Variants in GRAMD2B observed in about 807,000 individuals in gnomAD.
GRAMD2B encodes the protein GRAM domain containing 2B.
A neutral mutation model predicts 59.2 loss-of-function variants in GRAMD2B; 41 were observed. The observed-to-expected ratio is 0.69, with a 90% CI of 0.54 to 0.90. GRAMD2B has a LOEUF of 0.90. Among genes scored for constraint, GRAMD2B ranks in the 40% least tolerant of loss-of-function variants. The pLI is 0.00. For synonymous variants in GRAMD2B, 161 were observed against 182.7 expected (o/e 0.88, Z 0.96); for missense variants, 424 against 500.5 (o/e 0.85, Z 1.46).
Position 126,492,800 on chromosome 5 carries a change from T to C in GRAMD2B, c.1258-115T>C, listed in dbSNP as rs563598394. 4.6e-6 allele frequency: 3 copies of C among 645,910 alleles called. No homozygotes were observed. In the South Asian group the frequency reaches 7.3e-5, roughly 16 times the overall value. The allele number at this position is 645,910 out of a possible 1,614,324, so 40.0% of individuals were successfully genotyped here. ...TTGCCTCACCTAAATTTAACCCTTT[T>C]GTAGCTTTTTATTCAAAGTGGAATA... On this transcript the variant is annotated intron_variant, in intron 13 of 13. Transcript: ENST00000285689.
At chr5:126,395,051 T>C (rs1349421733) in intron 1 of GRAMD2B, among the ~76,000 whole-genome samples, 1 of 151,618 alleles carries the variant, frequency 6.6e-6, no homozygotes, top group Non-Finnish European at 1.5e-5. Flanking sequence ...TGTCAGCCTT[T>C]TGCTTTTGGT....
chr5:126,492,968 G>A lies in GRAMD2B; in HGVS notation c.*12G>A. The A allele has an allele frequency of 6.2e-7, 1 of 1,610,800 alleles. No homozygotes were observed. The highest frequency in any genetic ancestry group is 8.5e-7 in the Non-Finnish European group (1 of 1,177,170). Reference sequence around the variant, plus strand: ...AGAATGGTGACTGATCGACCAGATTGCTTGGGCCATCGGAATACCTCATGT... The same window carrying A: ...AGAATGGTGACTGATCGACCAGATTACTTGGGCCATCGGAATACCTCATGT... On this transcript the variant is annotated 3_prime_UTR_variant, in exon 14 of 14. Coordinates refer to ENST00000285689, the MANE Select transcript of GRAMD2B (RefSeq NM_023927.4).
At position 126,477,766 on chromosome 5, in the gene GRAMD2B, C is replaced by T. The variant is rs1431448309; in HGVS notation, c.561C>T (p.Ile187=). 6.2e-7 allele frequency: 1 copy of T among 1,609,280 alleles called. No individual in the cohort carries two copies. Among genetic ancestry groups the T allele is most frequent in the Admixed American group, 1.7e-5 (1 of 60,024 alleles). The change falls in exon 6 of 14, where the codon ATC becomes ATT. Residue 187 remains isoleucine (I), a synonymous_variant. Transcript: ENST00000285689. The stretch of plus-strand genomic sequence containing the variant: ...CTCTTCTAGTGCCAAACGCCCTGAT[C>T]ATAGCAACAGTCACAGACAGGGTGA... ...KTALLVPNAL[I]IATVTDRYIF...
At chr5:126,365,216 A>G (rs1754385689) in intron 1 of GRAMD2B, among the ~76,000 whole-genome samples, 1 of 152,322 alleles carries the variant, frequency 6.6e-6, no homozygotes, top group South Asian at 2.1e-4. Context: ...AGTGGCACAA[A>G]GTTGTGAATG....
intron 1 of GRAMD2B, among the ~76,000 whole-genome samples, chr5:126,424,006 G>T (rs944550530): frequency 6.6e-6 from 1 of 152,214 alleles, no homozygotes; most frequent in Non-Finnish European, 1.5e-5. Context: ...ACAGCCCTTC[G>T]TTTAGAATGA....
upstream of GRAMD2B, among the ~76,000 whole-genome samples, chr5:126,367,575 T>C (rs145930454): frequency 5.3e-5 from 8 of 152,286 alleles, no homozygotes; most frequent in African/African-American, 1.9e-4. Flanking sequence ...TAGTTTCTTA[T>C]TTATGGAATC....
At chr5:126,471,210 GA>G (rs1427077907) in intron 3 of GRAMD2B, among the ~76,000 whole-genome samples, 1 of 152,114 alleles carries the variant, frequency 6.6e-6, no homozygotes, top group Non-Finnish European at 1.5e-5. Context: ...CTCCTTATAA[GA>G]ATTTTTCTTC....
At position 126,425,131 on chromosome 5, in the gene GRAMD2B, A is replaced by G. The variant is rs76682790; in HGVS notation, c.83+1442A>G. 7.0e-3 allele frequency among the ~76,000 whole-genome samples: 1,073 copies of G among 152,308 alleles called. 12 individuals are homozygous for G. Among genetic ancestry groups the G allele is most frequent in the African/African-American group, 0.025 (1,030 of 41,574 alleles). ...CATGCACATCTTTTATAGCCAAACAATCATACTAGCAGCCCTATACTTAAA... is the reference window on the plus strand; with the variant it reads ...CATGCACATCTTTTATAGCCAAACAGTCATACTAGCAGCCCTATACTTAAA... On this transcript the variant is annotated intron_variant, in intron 1 of 13. Transcript: ENST00000285689.
At chr5:126,444,667 C>T (rs1436418870) in intron 1 of GRAMD2B, among the ~76,000 whole-genome samples, 2 of 152,128 alleles carry the variant, frequency 1.3e-5, no homozygotes, top group African/African-American at 4.8e-5. Context: ...CATATGAAAA[C>T]CCAGACAATC....
At chr5:126,365,221 T>C (rs184978631) in intron 1 of GRAMD2B, among the ~76,000 whole-genome samples, 59 of 152,332 alleles carry the variant, frequency 3.9e-4, no homozygotes, top group African/African-American at 1.3e-3. Context: ...CACAAAGTTG[T>C]GAATGTAGTT....
intron 1 of GRAMD2B, among the ~76,000 whole-genome samples, chr5:126,377,617 G>C (rs1755313682): frequency 6.6e-6 from 1 of 152,138 alleles, no homozygotes; most frequent in Admixed American, 6.5e-5. Flanking sequence ...CATTTAGTTT[G>C]GTATTTGTGG....
At position 126,485,721 on chromosome 5, in the gene GRAMD2B, A is replaced by G; in HGVS notation, c.1006A>G (p.Lys336Glu). 6.2e-7 allele frequency: 1 copy of G among 1,612,804 alleles called. No individual in the cohort carries two copies. The highest frequency in any genetic ancestry group is 8.5e-7 in the Non-Finnish European group (1 of 1,179,404). Residue 336 changes from lysine (K) to glutamate (E), a missense_variant, in exon 11 of 14, where the codon AAG (lysine) becomes GAG (glutamate). By Grantham distance (56) the Lys-to-Glu change is moderately conservative (BLOSUM62 1). Transcript: ENST00000285689. ...SETVGILHKV[K>E]SQKCPMLHHI... ...AACTGTTGGAATCTTACATAAAGTC[A>G]AGTCTCAGAAATGTCCGATGCTTCA...
chr5:126,438,036 TCTC>T (rs777228351), intron 1 of GRAMD2B, among the ~76,000 whole-genome samples: 9 of 152,148 alleles, frequency 5.9e-5, no homozygotes, highest in Non-Finnish European at 1.3e-4. Context: ...CTGCCTGTAA[TCTC>T]CTATCCATCC....
At chr5:126,440,720 G>A (rs141403180) in intron 1 of GRAMD2B, among the ~76,000 whole-genome samples, 2 of 152,152 alleles carry the variant, frequency 1.3e-5, no homozygotes, top group African/African-American at 4.8e-5. Context: ...AGTTATAAAG[G>A]GAAAGATGGA....
chr5:126,468,796 T>G (rs775227171), intron 2 of GRAMD2B, among the ~76,000 whole-genome samples: 2 of 152,144 alleles, frequency 1.3e-5, no homozygotes, highest in Non-Finnish European at 2.9e-5. Context: ...CCTGTTTTCC[T>G]CTTCTCTTAC....
intron 1 of GRAMD2B, among the ~76,000 whole-genome samples, chr5:126,378,772 A>G (rs184541117): frequency 1.3e-5 from 2 of 152,298 alleles, no homozygotes; most frequent in Middle Eastern, 3.4e-3. Context: ...GGAAATTTTG[A>G]AAATATTGGT....
Position 126,360,529 on chromosome 5 carries a change from C to A in GRAMD2B, c.128+70C>A, listed in dbSNP as rs1382922272. The A allele has an allele frequency of 1.4e-5, 21 of 1,457,554 alleles. No homozygotes were observed. The Admixed American group carries it at 4.7e-4, about 33-fold the overall frequency. 90.3% of individuals were successfully genotyped at this position (1,457,554 alleles called of 1,614,324 possible). A position where few individuals can be genotyped will look rare whatever the true frequency, so the allele number is the denominator to read the frequency against. On this transcript the variant is annotated intron_variant, in intron 1 of 13. Coordinates refer to the GRAMD2B transcript ENST00000513040. ...GTGTGGCTTCTGTGGTTTAAAAGGC[C>A]TTTTTGGTATCTTAAGGACAGAGTG...
intron 1 of GRAMD2B, among the ~76,000 whole-genome samples, chr5:126,389,980 G>A (rs1463549397): frequency 6.6e-6 from 1 of 152,044 alleles, no homozygotes; most frequent in Non-Finnish European, 1.5e-5. Context: ...GTCCACATTG[G>A]GAAATATAAC....
At chr5:126,408,892 A>G (rs1251740558) in intron 1 of GRAMD2B, among the ~76,000 whole-genome samples, 1 of 127,600 alleles carries the variant, frequency 7.8e-6, no homozygotes, top group African/African-American at 3.0e-5. Flanking sequence ...TCCTGTGTCC[A>G]TGTGTTCTCA....
Sources: gnomAD v4.1 joint callset for allele counts (sites outside exome capture counted in the v4.1 genomes callset) on GRCh38, gnomAD v4.1.1 for gene constraint, MANE v1.5 for transcripts, NCBI Gene and HGNC (gene_info 2026-07-23, HGNC 2026-07-21) for gene names.